The following PALLD variants were observed in gnomAD, a reference collection of about 807,000 sequenced individuals.
PALLD encodes palladin.
A neutral mutation model predicts 123.5 loss-of-function variants in PALLD; 61 were observed. The ratio of observed to expected loss-of-function variants is 0.49; its 90% confidence interval spans 0.40 to 0.61. The LOEUF is 0.61. PALLD is among the 20% of genes least tolerant of loss of function. The pLI is 0.00. For synonymous variants in PALLD, 465 were observed against 496.4 expected (o/e 0.94, Z 0.84); for missense variants, 1,273 against 1,377.0 (o/e 0.92, Z 1.20).
At chr4:168,504,989 C>T (rs996062205) in intron 1 of PALLD, 1 of 152,144 alleles carries the variant, frequency 6.6e-6, no homozygotes, top group Admixed American at 6.5e-5. Context: ...AACATGAAAT[C>T]TCAGGCAAAT....
At chr4:168,732,806 T>A (rs73864633) in intron 10 of PALLD, among the ~76,000 whole-genome samples, 242 of 152,310 alleles carry the variant, frequency 1.6e-3, no homozygotes, top group African/African-American at 5.6e-3. Flanking sequence ...AATCCGATAG[T>A]CTATTCCTCA....
At chr4:168,735,584 T>C (rs1787667805) in intron 10 of PALLD, among the ~76,000 whole-genome samples, 2 of 152,216 alleles carry the variant, frequency 1.3e-5, no homozygotes, top group Non-Finnish European at 2.9e-5. Flanking sequence ...AAAAACCCAT[T>C]CATACTTTGA....
chr4:168,518,118 A>T (rs1763167720), intron 2 of PALLD, among the ~76,000 whole-genome samples: 1 of 152,130 alleles, frequency 6.6e-6, no homozygotes, highest in Non-Finnish European at 1.5e-5. Context: ...TTCAGGAAAA[A>T]AACCTTGAAG....
At chr4:168,639,445 C>T (rs1776676419) in intron 2 of PALLD, among the ~76,000 whole-genome samples, 1 of 152,164 alleles carries the variant, frequency 6.6e-6, no homozygotes, top group South Asian at 2.1e-4. Flanking sequence ...CTTGCCACAA[C>T]AGTCTGATTG....
rs1748869278 is a variant in PALLD, at chr4:168,858,107, A to ATTTT, written c.1965-32815_1965-32814insTTTT. The stretch of plus-strand genomic sequence containing the variant: ...TAGAGCAAAATTTCAGATTTGAAGA[A>ATTTT]GTTTTCCTAATAAGGAAGAATGATG... On this transcript the variant is annotated intron_variant, in intron 10 of 21. Coordinates refer to ENST00000505667, the MANE Select transcript of PALLD (RefSeq NM_001166108.2). Among the ~76,000 whole-genome samples, 3 of 152,356 alleles carry ATTTT rather than the reference A, an allele frequency of 2.0e-5. No homozygotes were observed. In the South Asian group the frequency reaches 6.2e-4, roughly 32 times the overall value.
chr4:168,654,793 A>G (rs1206783441), intron 2 of PALLD: 3 of 152,190 alleles, frequency 2.0e-5, no homozygotes, highest in Admixed American at 2.0e-4. Context: ...ACAACAGCTC[A>G]CTTGTCTACA....
intron 5 of PALLD, among the ~76,000 whole-genome samples, chr4:168,683,825 C>T (rs1781776508): frequency 6.6e-6 from 1 of 152,138 alleles, no homozygotes; most frequent in African/African-American, 2.4e-5. Flanking sequence ...TTATAAGTAT[C>T]ACCATGTCCT....
chr4:168,905,138 G>GTT (rs777740588), intron 15 of PALLD, among the ~76,000 whole-genome samples: 364 of 34,424 alleles, frequency 0.011, 81 homozygotes, highest in African/African-American at 0.015. Context: ...TGTTTTGTTG[G>GTT]TTTTTTTTTT....
At chr4:168,540,752 G>T (rs907803849) in intron 2 of PALLD, among the ~76,000 whole-genome samples, 3 of 151,162 alleles carry the variant, frequency 2.0e-5, no homozygotes, top group African/African-American at 7.3e-5. Context: ...CTACATCAAA[G>T]CAAAGGCACT....
At chr4:168,673,963 G>A (rs1214226954) in intron 3 of PALLD, among the ~76,000 whole-genome samples, 3 of 152,014 alleles carry the variant, frequency 2.0e-5, no homozygotes, top group Admixed American at 1.3e-4. Context: ...CACTCAGGCT[G>A]GAGTGTAATG....
chr4:168,831,351 G>A (rs1008680111), intron 10 of PALLD, among the ~76,000 whole-genome samples: 4 of 152,138 alleles, frequency 2.6e-5, no homozygotes, highest in African/African-American at 7.2e-5. Flanking sequence ...GAGCTAAGAG[G>A]ATCACAGGAT....
rs1366401504 is a variant in PALLD, at chr4:168,746,273, C to T, written c.1964+34350C>T. Among the ~76,000 whole-genome samples the T allele has an allele frequency of 2.0e-5, 3 of 149,546 alleles. No homozygotes were observed. The East Asian group carries it at 6.0e-4, about 30-fold the overall frequency. On this transcript the variant is annotated intron_variant, in intron 10 of 21. Coordinates refer to ENST00000505667, the MANE Select transcript of PALLD (RefSeq NM_001166108.2). The stretch of plus-strand genomic sequence containing the variant: ...CAAGAGGAGGGACTTGACAGCTACT[C>T]AGGAGGCTGAGGCAGGAGAATGGCG...
chr4:168,596,567 G>T (rs1044585784), intron 2 of PALLD, among the ~76,000 whole-genome samples: 1 of 152,054 alleles, frequency 6.6e-6, no homozygotes, highest in African/African-American at 2.4e-5. Flanking sequence ...TCATCCCAGA[G>T]AGAATAAACA....
At chr4:168,786,896 A>G (rs547985461) in intron 10 of PALLD, among the ~76,000 whole-genome samples, 53 of 152,350 alleles carry the variant, frequency 3.5e-4, no homozygotes, top group African/African-American at 1.3e-3. Context: ...TGTGGTTTGC[A>G]ACCTTCATAG....
At chr4:168,760,330 AG>A (rs1561492221) in intron 10 of PALLD, among the ~76,000 whole-genome samples, 1 of 72,188 alleles carries the variant, frequency 1.4e-5, no homozygotes, top group African/African-American at 5.4e-5. Flanking sequence ...GGGTGCGGGG[AG>A]GCCTCAACAC....
chr4:168,768,423 T>C (rs1733969228), intron 10 of PALLD, among the ~76,000 whole-genome samples: 1 of 152,162 alleles, frequency 6.6e-6, no homozygotes, highest in Non-Finnish European at 1.5e-5. Flanking sequence ...GATCAGACGG[T>C]GGAATAAAGG....
chr4:168,778,957 C>T (rs993729609), intron 10 of PALLD, among the ~76,000 whole-genome samples: 7 of 152,190 alleles, frequency 4.6e-5, no homozygotes, highest in East Asian at 1.9e-4. Flanking sequence ...CACCGTCCTC[C>T]GCCAAAGAGG....
intron 10 of PALLD, among the ~76,000 whole-genome samples, chr4:168,731,907 T>C (rs1029562372): frequency 2.0e-5 from 3 of 152,180 alleles, no homozygotes; most frequent in African/African-American, 7.2e-5. Flanking sequence ...AGTGGTTCTT[T>C]TGTGCAAATT....
intron 10 of PALLD, among the ~76,000 whole-genome samples, chr4:168,875,290 C>T (rs2151100225): frequency 6.6e-6 from 1 of 152,096 alleles, no homozygotes; most frequent in South Asian, 2.1e-4. Flanking sequence ...GCAACCTTGC[C>T]TTTCTGGTAC....
Sources: allele counts gnomAD v4.1 joint callset (sites outside exome capture counted in the v4.1 genomes callset), GRCh38; gene constraint gnomAD v4.1.1; transcripts MANE v1.5; gene names NCBI Gene and HGNC (gene_info 2026-07-23, HGNC 2026-07-21).